The following FBXW4 variants were observed in gnomAD, a reference collection of about 807,000 sequenced individuals.
The protein encoded by FBXW4 is F-box and WD repeat domain containing 4.
A neutral mutation model predicts 61.8 loss-of-function variants in FBXW4; 40 were observed. The observed-to-expected ratio is 0.65, with a 90% CI of 0.50 to 0.84. The LOEUF (loss-of-function observed/expected upper bound fraction) is 0.84. Ranked by LOEUF, FBXW4 falls within the 40% of genes least tolerant of loss-of-function variation. The pLI is 0.00. For synonymous variants in FBXW4, 311 were observed against 313.8 expected (o/e 0.99, Z 0.10); for missense variants, 672 against 753.8 (o/e 0.89, Z 1.27).
chr10:101,644,458 G>A (rs1055108953), intron 5 of FBXW4, among the ~76,000 whole-genome samples: 1 of 152,216 alleles, frequency 6.6e-6, no homozygotes, highest in Non-Finnish European at 1.5e-5. Context: ...TAGCACCACA[G>A]CCCTGCATTT....
chr10:101,619,684 G>T (rs1041000665), intron 6 of FBXW4, among the ~76,000 whole-genome samples: 3 of 151,956 alleles, frequency 2.0e-5, no homozygotes, highest in South Asian at 2.1e-4. Flanking sequence ...GAAGAGGAAG[G>T]GGGAAGGGGA....
intron 5 of FBXW4, among the ~76,000 whole-genome samples, chr10:101,662,442 C>T (rs565513687): frequency 6.6e-6 from 1 of 152,160 alleles, no homozygotes; most frequent in East Asian, 1.9e-4. Context: ...TGGACTAATC[C>T]CCTCAAAAAC....
At chr10:101,653,726 C>T (rs73351217) in intron 5 of FBXW4, among the ~76,000 whole-genome samples, 4,020 of 152,210 alleles carry the variant, frequency 0.026, 179 homozygotes, top group African/African-American at 0.089. Flanking sequence ...GCATTGTTTC[C>T]GCAATTGCAC....
chr10:101,642,721 G>A (rs886896980), intron 5 of FBXW4, among the ~76,000 whole-genome samples: 3 of 152,136 alleles, frequency 2.0e-5, no homozygotes, highest in South Asian at 2.1e-4. Flanking sequence ...TCTGCCCCTC[G>A]ATGTTTAATT....
chr10:101,649,310 A>G (rs1462172885), intron 5 of FBXW4, among the ~76,000 whole-genome samples: 1 of 152,168 alleles, frequency 6.6e-6, no homozygotes, highest in African/African-American at 2.4e-5. Context: ...AGCCCAGGGA[A>G]GTCACAGTGC....
At chr10:101,624,091 GACACAC>G (rs35664019) in intron 6 of FBXW4, among the ~76,000 whole-genome samples, 5 of 147,806 alleles carry the variant, frequency 3.4e-5, no homozygotes, top group East Asian at 2.0e-4. Flanking sequence ...GACACAGACA[GACACAC>G]ACACACACAC....
chr10:101,643,521 C>T (rs1053988916), intron 5 of FBXW4, among the ~76,000 whole-genome samples: 3 of 152,244 alleles, frequency 2.0e-5, no homozygotes, highest in African/African-American at 7.2e-5. Context: ...CAGGCATATG[C>T]ACGCTTTGCA....
rs1032014243 is a variant in FBXW4, at chr10:101,694,587, C to T, written c.519G>A (p.Ser173=). The T allele has an allele frequency of 2.1e-6, 3 of 1,458,522 alleles. No homozygotes were observed. The highest frequency in any genetic ancestry group is 2.7e-6 in the Non-Finnish European group (3 of 1,115,142). 90.3% of individuals were successfully genotyped at this position (1,458,522 alleles called of 1,614,324 possible). A position where few individuals can be genotyped will look rare whatever the true frequency, so the allele number is the denominator to read the frequency against. The change falls in exon 1 of 9, where the codon TCG becomes TCA. Residue 173 remains serine, a synonymous_variant. Coordinates refer to ENST00000331272, the MANE Select transcript of FBXW4 (RefSeq NM_022039.4). The surrounding 1 kb of genome is among the most constrained non-coding windows in gnomAD (Gnocchi z 6.0). ...CAGGCCCCGCGGCCGGGCGGGCAGC[C>T]GACTCCCGAGCCGCCTCCTCCTCCT... ...EEEEEEAARE[S]AARPAAGPAL...
chr10:101,618,568 G>C (rs918021703), intron 6 of FBXW4, among the ~76,000 whole-genome samples: 1 of 152,082 alleles, frequency 6.6e-6, no homozygotes, highest in African/African-American at 2.4e-5. Context: ...CATGGGACCA[G>C]GGATGACCCT....
chr10:101,685,978 T>C (rs1403326605), intron 1 of FBXW4, among the ~76,000 whole-genome samples: 1 of 152,210 alleles, frequency 6.6e-6, no homozygotes, highest in Non-Finnish European at 1.5e-5. Flanking sequence ...TAAATTCTTA[T>C]TCTAGAGAGG....
rs368769258 is a variant in FBXW4, at chr10:101,669,977, G to A, written c.1141-1997C>T. ...TTGCTGTGTTAGCCAGGATGGTCTC[G>A]ATCTCCTGACCTCATGATCCACCCG... On this transcript the variant is annotated intron_variant, in intron 4 of 8. Coordinates refer to ENST00000331272, the MANE Select transcript of FBXW4 (RefSeq NM_022039.4). Among the ~76,000 whole-genome samples the A allele has an allele frequency of 1.0e-3, 156 of 151,908 alleles. 5 individuals are homozygous for A. The South Asian group carries it at 0.03, about 29-fold the overall frequency.
intron 4 of FBXW4, among the ~76,000 whole-genome samples, chr10:101,668,181 C>T (rs1025616121): frequency 6.6e-6 from 1 of 152,218 alleles, no homozygotes; most frequent in Non-Finnish European, 1.5e-5. Flanking sequence ...GCTCTCCATC[C>T]TAACTACCCT....
intron 5 of FBXW4, chr10:101,660,110 G>A: frequency 1.0e-6 from 1 of 985,384 alleles, no homozygotes; most frequent in Non-Finnish European, 1.2e-6. Flanking sequence ...TCAGATTGAA[G>A]TGTGTGTCCC....
intron 5 of FBXW4, among the ~76,000 whole-genome samples, chr10:101,661,684 G>C (rs1427443445): frequency 6.6e-6 from 1 of 152,180 alleles, no homozygotes; most frequent in Non-Finnish European, 1.5e-5. Context: ...GGGCACCACA[G>C]GCAAGAAGCT....
intron 1 of FBXW4, among the ~76,000 whole-genome samples, chr10:101,684,280 T>C (rs912731972): frequency 6.6e-6 from 1 of 152,172 alleles, no homozygotes; most frequent in Non-Finnish European, 1.5e-5. Context: ...CCCGCCACCA[T>C]GCCCGGCTAC....
intron 5 of FBXW4, among the ~76,000 whole-genome samples, chr10:101,660,865 T>A (rs2134874843): frequency 6.6e-6 from 1 of 152,330 alleles, no homozygotes; most frequent in Admixed American, 6.5e-5. Context: ...CTTACCACAC[T>A]CTACTACCTA....
intron 7 of FBXW4, 134 bp downstream of exon 7, chr10:101,612,203 C>T (rs980021835): frequency 3.7e-6 from 4 of 1,088,704 alleles, no homozygotes; most frequent in Middle Eastern, 3.2e-4. Flanking sequence ...GTCTAGTGAC[C>T]TTGCAGGCCT....
intron 5 of FBXW4, among the ~76,000 whole-genome samples, chr10:101,632,556 T>A (rs999977834): frequency 6.6e-6 from 1 of 152,104 alleles, no homozygotes; most frequent in African/African-American, 2.4e-5. Flanking sequence ...ATCAGAAACT[T>A]ATAAACTTGA....
intron 6 of FBXW4, among the ~76,000 whole-genome samples, chr10:101,619,869 G>A (rs560670340): frequency 7.2e-5 from 11 of 152,298 alleles, no homozygotes; most frequent in Admixed American, 3.3e-4. Flanking sequence ...GACCCTGAAA[G>A]GGGTCCAGGT....
Sources: allele counts gnomAD v4.1 joint callset (sites outside exome capture counted in the v4.1 genomes callset), GRCh38; gene constraint gnomAD v4.1.1; non-coding constraint Gnocchi (gnomAD v3.1); transcripts MANE v1.5; gene names NCBI Gene and HGNC (gene_info 2026-07-23, HGNC 2026-07-21).